The following ODAD2 variants were observed in gnomAD, a reference collection of about 807,000 sequenced individuals.
The protein encoded by ODAD2 is outer dynein arm-docking complex subunit 2.
In ODAD2, 89 loss-of-function variants were observed where a neutral mutation model predicts 106.8. The ratio of observed to expected loss-of-function variants is 0.83; its 90% CI spans 0.70 to 0.99. The LOEUF (loss-of-function observed/expected upper bound fraction) is 0.99. Among genes scored for constraint, ODAD2 ranks in the 50% least tolerant of loss-of-function variants. The pLI is 0.00. For missense variants in ODAD2, 1,168 were observed against 1,238.5 expected (o/e 0.94, Z 0.85); for synonymous variants, 404 against 436.2 (o/e 0.93, Z 0.92).
intron 10 of ODAD2, among the ~76,000 whole-genome samples, chr10:27,954,354 C>G (rs991352616): frequency 1.3e-5 from 2 of 152,108 alleles, no homozygotes; most frequent in Non-Finnish European, 2.9e-5. Context: ...AGAAATTCCC[C>G]GAAAAGATCT....
At chr10:27,940,374 C>T (rs1310573225) in intron 13 of ODAD2, among the ~76,000 whole-genome samples, 189 bp downstream of exon 13, 2 of 151,460 alleles carry the variant, frequency 1.3e-5, no homozygotes, top group Non-Finnish European at 2.9e-5. Flanking sequence ...TATATATATA[C>T]ATATATGTGT....
intron 16 of ODAD2, among the ~76,000 whole-genome samples, chr10:27,921,584 A>G (rs73604102): frequency 0.16 from 24,248 of 151,660 alleles, 2,938 homozygotes; most frequent in African/African-American, 0.34. Context: ...ATATATCTAT[A>G]TGCATATATA....
Position 27,940,822 on chromosome 10 carries a change from A to ATGTTCATGGAATGAACATT in ODAD2, c.1744-18_1744-17insAATGTTCATTCCATGAACA, listed in dbSNP as rs1453788240. 1 of 1,604,574 alleles carries ATGTTCATGGAATGAACATT rather than the reference A, an allele frequency of 6.2e-7. No individual in the cohort carries two copies. Among genetic ancestry groups the ATGTTCATGGAATGAACATT allele is most frequent in the Non-Finnish European group, 8.5e-7 (1 of 1,173,232 alleles). ...TAGAGCAACCTATAATAATAGATAA[A>ATGTTCATGGAATGAACATT]TCCAATGTTCATGGAAATCTTAAAA... On this transcript the variant is annotated splice_polypyrimidine_tract_variant and intron_variant, in intron 12 of 19. Transcript: ENST00000305242.
At chr10:27,908,217 T>G (rs896097375) in intron 16 of ODAD2, among the ~76,000 whole-genome samples, 3 of 152,224 alleles carry the variant, frequency 2.0e-5, no homozygotes, top group African/African-American at 7.2e-5. Flanking sequence ...TTTTAAATGC[T>G]TTCAGTCCTA....
chr10:27,882,170 A>AAAAAAAGAAAGAAAG (rs1841754986), intron 17 of ODAD2, among the ~76,000 whole-genome samples: 2 of 138,842 alleles, frequency 1.4e-5, no homozygotes, highest in African/African-American at 5.1e-5. Context: ...CTTGTCATAA[A>AAAAAAAGAAAGAAAG]AAAAAAGAAA....
intron 16 of ODAD2, among the ~76,000 whole-genome samples, chr10:27,911,493 TA>T (rs1844011590): frequency 6.6e-6 from 1 of 152,164 alleles, no homozygotes; most frequent in South Asian, 2.1e-4. Flanking sequence ...GTGAGGGTGA[TA>T]AACAGACCAT....
At chr10:27,926,251 T>G (rs1845253649) in intron 16 of ODAD2, among the ~76,000 whole-genome samples, 1 of 151,992 alleles carries the variant, frequency 6.6e-6, no homozygotes, top group African/African-American at 2.4e-5. Flanking sequence ...AAACCATAGT[T>G]TATCAAACAT....
intron 19 of ODAD2, chr10:27,836,010 C>T (rs1837850634): frequency 6.5e-6 from 1 of 152,848 alleles, no homozygotes. Context: ...TCATAAAGGT[C>T]TTCATCCTCG....
chr10:27,952,345 A>G (rs1396676358), intron 10 of ODAD2, among the ~76,000 whole-genome samples: 1 of 152,038 alleles, frequency 6.6e-6, no homozygotes, highest in Non-Finnish European at 1.5e-5. Context: ...CATCGATGAG[A>G]ATTTACAACA....
chr10:27,941,731 T>C (rs1238635436), intron 12 of ODAD2, among the ~76,000 whole-genome samples: 2 of 151,634 alleles, frequency 1.3e-5, no homozygotes, highest in East Asian at 3.9e-4. Flanking sequence ...AGAGCTGCAA[T>C]TGGCTGTCAG....
At chr10:27,816,172 G>A (rs185653830) in intron 19 of ODAD2, among the ~76,000 whole-genome samples, 1 of 152,250 alleles carries the variant, frequency 6.6e-6, no homozygotes. Context: ...CCCCAGTAAA[G>A]CCTACTTCCC....
In ODAD2 at chr10:27,860,652, G is replaced by T; in HGVS notation, c.2994C>A (p.Ile998=). 1 of 1,614,036 alleles carries T rather than the reference G, an allele frequency of 6.2e-7. No individual in the cohort carries two copies. The highest frequency in any genetic ancestry group is 1.1e-5 in the South Asian group (1 of 91,078). Residue 998 remains isoleucine, a synonymous_variant, in exon 19 of 20, where the codon ATC becomes ATA. Coordinates refer to ENST00000305242, the MANE Select transcript of ODAD2 (RefSeq NM_018076.5). ...TTACTGCACCATTCTCATGCATGGTGATGCAGTTATCGGCGTCTTCTGAGA... is the reference window on the plus strand; with the variant it reads ...TTACTGCACCATTCTCATGCATGGTTATGCAGTTATCGGCGTCTTCTGAGA... ...YQLSEDADNC[I]TMHENGAVKL...
At chr10:27,978,848 G>T (rs753494979) in intron 7 of ODAD2, among the ~76,000 whole-genome samples, 1 of 151,882 alleles carries the variant, frequency 6.6e-6, no homozygotes, top group African/African-American at 2.4e-5. Flanking sequence ...ACATGCTAAA[G>T]GTCATATAAG....
chr10:27,936,652 G>C, intron 15 of ODAD2, 74 bp downstream of exon 15: 1 of 1,510,116 alleles, frequency 6.6e-7, no homozygotes, highest in African/African-American at 1.4e-5. Context: ...CTCCTTACTA[G>C]AATGGCATTA....
intron 10 of ODAD2, among the ~76,000 whole-genome samples, chr10:27,949,744 C>T (rs1404451366): frequency 6.6e-6 from 1 of 152,116 alleles, no homozygotes; most frequent in Non-Finnish European, 1.5e-5. Context: ...GCTGCAGAGG[C>T]CGCTGGCTGG....
chr10:27,986,295 T>C (rs1268152451), intron 3 of ODAD2, among the ~76,000 whole-genome samples: 1 of 152,214 alleles, frequency 6.6e-6, no homozygotes, highest in Non-Finnish European at 1.5e-5. Flanking sequence ...CAAATTGCCA[T>C]GTACCATGCA....
At chr10:27,973,908 C>T (rs1203690902) in intron 7 of ODAD2, among the ~76,000 whole-genome samples, 4 of 152,090 alleles carry the variant, frequency 2.6e-5, no homozygotes, top group Admixed American at 6.6e-5. Context: ...ACAGTGTGTA[C>T]GTATTCCCTT....
intron 16 of ODAD2, among the ~76,000 whole-genome samples, chr10:27,915,153 C>T (rs1328497766): frequency 6.6e-6 from 1 of 152,098 alleles, no homozygotes; most frequent in African/African-American, 2.4e-5. Flanking sequence ...CACACCTACA[C>T]ACATCATAAT....
rs781326915 is a variant in ODAD2, at chr10:27,885,509, CAAA to C, written c.2610+22151_2610+22153del. On this transcript the variant is annotated intron_variant, in intron 17 of 19. Transcript: ENST00000305242. Reference sequence around the variant, plus strand: ...TGGGTGACAGAGTGAGACTCCATCTCAAAAAAAAAAAAAAAAAAAAAAAAATAT... The same window carrying C: ...TGGGTGACAGAGTGAGACTCCATCTCAAAAAAAAAAAAAAAAAAAAAATAT... Among the ~76,000 whole-genome samples, 151 of 19,792 alleles carry C rather than the reference CAAA, an allele frequency of 7.6e-3. 1 individual carries two copies. The highest frequency in any genetic ancestry group is 0.011 in the African/African-American group (37 of 3,274). 13.0% of individuals were successfully genotyped at this position (19,792 alleles called of 152,430 possible).
Sources: gnomAD v4.1 joint callset for allele counts (sites outside exome capture counted in the v4.1 genomes callset) on GRCh38, gnomAD v4.1.1 for gene constraint, MANE v1.5 for transcripts, NCBI Gene and HGNC (gene_info 2026-07-23, HGNC 2026-07-21) for gene names.